The following HECW2 variants were observed in gnomAD, a reference collection of about 807,000 sequenced individuals.
The protein encoded by HECW2 is HECT, C2 and WW domain containing E3 ubiquitin protein ligase 2, also known as E3 ubiquitin-protein ligase HECW2.
A neutral mutation model predicts 175.2 loss-of-function variants in HECW2; 61 were observed. The observed-to-expected ratio is 0.35, with a 90% CI of 0.28 to 0.43. The LOEUF (loss-of-function observed/expected upper bound fraction) is 0.43, where lower values mean the gene tolerates loss of function less well. Among genes scored for constraint, HECW2 ranks in the 20% least tolerant of loss-of-function variants. The pLI is 1.00. For synonymous variants in HECW2, 671 were observed against 731.0 expected, an observed-to-expected ratio of 0.92 and a Z score of 1.32; for missense variants, 1,524 against 2,000.5, an observed-to-expected ratio of 0.76 and a Z score of 4.54.
At chr2:196,536,679 C>T (rs111893554) in intron 1 of HECW2, among the ~76,000 whole-genome samples, 1 of 152,194 alleles carries the variant, frequency 6.6e-6, no homozygotes, top group Admixed American at 6.5e-5. Context: ...AAAAGTCACA[C>T]AGCAAATAAT....
intron 5 of HECW2, among the ~76,000 whole-genome samples, chr2:196,326,445 G>T (rs1692154977): frequency 7.5e-6 from 1 of 133,638 alleles, no homozygotes; most frequent in East Asian, 2.0e-4. Flanking sequence ...TAAACTAAGA[G>T]CAATTTTTTT....
intron 2 of HECW2, among the ~76,000 whole-genome samples, chr2:196,389,225 A>C (rs780824679): frequency 5.3e-5 from 8 of 152,228 alleles, no homozygotes; most frequent in Non-Finnish European, 7.3e-5. Flanking sequence ...AATATTTAGC[A>C]CATGAAATTA....
Position 196,235,445 on chromosome 2 carries a change from G to A in HECW2, c.3764+5004C>T, listed in dbSNP as rs539568385. Among the ~76,000 whole-genome samples, 273 of 151,716 alleles carry A rather than the reference G, an allele frequency of 1.8e-3. 1 individual carries two copies. Among genetic ancestry groups the A allele is most frequent in the Non-Finnish European group, 3.4e-3 (230 of 67,928 alleles). ...TGAATACATACATCTCTAGTATTGT[G>A]GGGCTAATTCTACCTTGCATGGAAT... On this transcript the variant is annotated intron_variant, in intron 21 of 28. Transcript: ENST00000644978.
chr2:196,286,435 AAAAAG>A (rs2106011526), intron 14 of HECW2, among the ~76,000 whole-genome samples: 1 of 141,584 alleles, frequency 7.1e-6, no homozygotes, highest in South Asian at 2.2e-4. Context: ...ACAACTGTTA[AAAAAG>A]AAAAGGCAAA....
chr2:196,545,029 ATG>A (rs903046670), intron 1 of HECW2, among the ~76,000 whole-genome samples: 7 of 151,914 alleles, frequency 4.6e-5, no homozygotes, highest in Admixed American at 3.3e-4. Flanking sequence ...GGGCGTGTGG[ATG>A]TGTGTGTGTG....
chr2:196,407,210 T>C (rs1694988586), intron 2 of HECW2, among the ~76,000 whole-genome samples: 1 of 67,704 alleles, frequency 1.5e-5, no homozygotes, highest in Admixed American at 1.2e-4. Flanking sequence ...CTTTCAAAAC[T>C]TTTTTTTTTT....
chr2:196,412,499 G>A (rs1179210962), intron 2 of HECW2, among the ~76,000 whole-genome samples: 3 of 152,232 alleles, frequency 2.0e-5, no homozygotes, highest in Admixed American at 2.0e-4. Flanking sequence ...AGAAGGCACA[G>A]TCCTTATTCA....
chr2:196,258,506 C>A (rs1689155371), intron 17 of HECW2, among the ~76,000 whole-genome samples: 1 of 152,136 alleles, frequency 6.6e-6, no homozygotes, highest in Non-Finnish European at 1.5e-5. Flanking sequence ...TGTGTGCATA[C>A]CTGTGCAAAT....
At chr2:196,239,563 C>A (rs1433094038) in intron 21 of HECW2, 1 of 152,090 alleles carries the variant, frequency 6.6e-6, no homozygotes, top group Non-Finnish European at 1.5e-5. Flanking sequence ...ATACTTTATT[C>A]CCAGGCATGA....
At chr2:196,444,492 T>C (rs1296514639) in intron 1 of HECW2, among the ~76,000 whole-genome samples, 3 of 152,216 alleles carry the variant, frequency 2.0e-5, no homozygotes. Context: ...TCTCTTTCAT[T>C]TCCACTGCCA....
intron 1 of HECW2, among the ~76,000 whole-genome samples, chr2:196,593,280 G>A (rs1691279012): frequency 6.6e-6 from 1 of 151,312 alleles, no homozygotes; most frequent in Non-Finnish European, 1.5e-5. Flanking sequence ...GCGCTCGGGA[G>A]GGCGCCGGGG....
chr2:196,483,145 G>T (rs972605244), intron 1 of HECW2, among the ~76,000 whole-genome samples: 5 of 149,198 alleles, frequency 3.4e-5, no homozygotes, highest in African/African-American at 9.9e-5. Flanking sequence ...TCCAACCCTG[G>T]TGGTAGCCTC....
intron 2 of HECW2, among the ~76,000 whole-genome samples, chr2:196,354,745 A>G (rs1693301956): frequency 6.6e-6 from 1 of 150,962 alleles, no homozygotes; most frequent in Non-Finnish European, 1.5e-5. Context: ...AAACCAGCTT[A>G]AACTCTGGAT....
intron 15 of HECW2, among the ~76,000 whole-genome samples, 172 bp from the exon 16 acceptor site, chr2:196,274,295 T>C (rs568236640): frequency 6.6e-6 from 1 of 152,198 alleles, no homozygotes; most frequent in Non-Finnish European, 1.5e-5. Flanking sequence ...GAAAGCCTTG[T>C]TTTAGTGGCT....
intron 22 of HECW2, 32 bp from the exon 23 acceptor site, chr2:196,225,902 G>A (rs1304060962): frequency 1.5e-6 from 2 of 1,338,156 alleles, no homozygotes; most frequent in East Asian, 2.3e-5. Flanking sequence ...TGGCTTACAT[G>A]TCATGGAGCA....
chr2:196,559,225 CTGAG>C (rs991385108), intron 1 of HECW2, among the ~76,000 whole-genome samples: 1 of 152,192 alleles, frequency 6.6e-6, no homozygotes, highest in Non-Finnish European at 1.5e-5. Context: ...ACCCTCCCAC[CTGAG>C]TGAGCCAGTA....
intron 1 of HECW2, among the ~76,000 whole-genome samples, chr2:196,468,723 T>C (rs928233394): frequency 6.6e-6 from 1 of 152,134 alleles, no homozygotes; most frequent in Non-Finnish European, 1.5e-5. Flanking sequence ...AGGTCTGAGG[T>C]GTGTTTTCAA....
At chr2:196,204,844 C>T (rs980081266) in intron 28 of HECW2, among the ~76,000 whole-genome samples, 1 of 152,202 alleles carries the variant, frequency 6.6e-6, no homozygotes, top group African/African-American at 2.4e-5. Context: ...GGGTTGGCAA[C>T]AGTTCTTTCA....
At chr2:196,532,812 GAGA>G (rs112272314) in intron 1 of HECW2, among the ~76,000 whole-genome samples, 8,815 of 152,084 alleles carry the variant, frequency 0.058, 851 homozygotes, top group African/African-American at 0.2. Flanking sequence ...CACTAGTAAG[GAGA>G]AGGAGAGCAA....
Sources: allele counts gnomAD v4.1 joint callset (sites outside exome capture counted in the v4.1 genomes callset), GRCh38; gene constraint gnomAD v4.1.1; transcripts MANE v1.5; gene names NCBI Gene and HGNC (gene_info 2026-07-23, HGNC 2026-07-21).